CDC34: variants seen among roughly 807,000 people sequenced by gnomAD.
The protein encoded by CDC34 is ubiquitin-conjugating enzyme E2 R1.
In CDC34, 18 loss-of-function variants were observed where a neutral mutation model predicts 26.8. That is an observed-to-expected ratio of 0.67 (90% CI 0.47 to 1.00). The LOEUF is 1.00. CDC34 is among the 50% of genes least tolerant of loss of function. The pLI is 0.00. For missense variants in CDC34, 280 were observed against 334.5 expected (o/e 0.84, Z 1.27); for synonymous variants, 178 against 147.5 (o/e 1.21, Z -1.50).
rs1259177859 is a variant in CDC34, at chr19:531,842, C to A, written c.-90C>A. The stretch of plus-strand genomic sequence containing the variant: ...AGGCGGCGGCCCCGGTGGCTCCCCC[C>A]CGGACGGTGCGCGGCCCGGCCCGTC... On this transcript the variant is annotated 5_prime_UTR_variant, in exon 1 of 5. Coordinates refer to ENST00000215574, the MANE Select transcript of CDC34 (RefSeq NM_004359.2). 7.3e-6 allele frequency: 6 copies of A among 824,102 alleles called. No individual in the cohort carries two copies. Among genetic ancestry groups the A allele is most frequent in the Non-Finnish European group, 9.3e-6 (6 of 646,322 alleles). 51.0% of individuals were successfully genotyped at this position (824,102 alleles called of 1,614,324 possible). A position where few individuals can be genotyped will look rare whatever the true frequency, so the allele number is the denominator to read the frequency against.
intron 4 of CDC34, chr19:538,732 G>C (rs772655582): frequency 1.6e-5 from 16 of 985,386 alleles, no homozygotes; most frequent in Non-Finnish European, 1.9e-5. Context: ...ACCTGGTGTC[G>C]TGGGGTCATC....
chr19:531,949 G>T lies in CDC34; in HGVS notation c.18G>T (p.Val6=), dbSNP rs1249588981. The change falls in exon 1 of 5, where the codon GTG becomes GTT. Residue 6 remains valine, a synonymous_variant. Coordinates refer to ENST00000215574, the MANE Select transcript of CDC34 (RefSeq NM_004359.2). MARPL[V]PSSQKALLLE... ...CCGCCGCCATGGCTCGGCCGCTAGT[G>T]CCCAGCTCGCAGAAGGCGCTGCTGC... is the stretch of plus-strand genomic sequence containing the variant. 4.8e-6 allele frequency: 7 copies of T among 1,463,558 alleles called. No individual in the cohort carries two copies. In the South Asian group the frequency reaches 6.8e-5, roughly 14 times the overall value. 90.7% of individuals were successfully genotyped at this position (1,463,558 alleles called of 1,614,324 possible).
intron 1 of CDC34, among the ~76,000 whole-genome samples, chr19:533,162 G>A (rs1013789166): frequency 2.0e-5 from 3 of 152,142 alleles, no homozygotes; most frequent in Non-Finnish European, 4.4e-5. Context: ...CTCGTTCTTG[G>A]GGCCAGAGGG....
At chr19:535,303 C>A (rs1206531730) in intron 1 of CDC34, among the ~76,000 whole-genome samples, 1 of 152,278 alleles carries the variant, frequency 6.6e-6, no homozygotes, top group Non-Finnish European at 1.5e-5. Context: ...GACGGCCATA[C>A]TGACTCATCC....
At chr19:536,168 C>A (rs1004291825) in intron 2 of CDC34, 75 bp from the exon 3 acceptor site, 1 of 1,243,968 alleles carries the variant, frequency 8.0e-7, no homozygotes, top group Non-Finnish European at 1.1e-6. Context: ...TCCACGTCCT[C>A]ATCCTCCGGG....
chr19:538,012 T>C (rs529699447), intron 4 of CDC34, among the ~76,000 whole-genome samples: 84 of 152,218 alleles, frequency 5.5e-4, no homozygotes, highest in Non-Finnish European at 1.1e-3. Context: ...CGCATGTCTG[T>C]GCTTTAATGA....
chr19:537,955 C>T (rs753136045), intron 4 of CDC34, among the ~76,000 whole-genome samples: 1 of 152,250 alleles, frequency 6.6e-6, no homozygotes, highest in Non-Finnish European at 1.5e-5. Flanking sequence ...CTGCACCTGG[C>T]CTGGTGGTTA....
intron 3 of CDC34, chr19:536,804 C>A: frequency 1.6e-6 from 1 of 606,458 alleles, no homozygotes; most frequent in Non-Finnish European, 2.9e-6. Flanking sequence ...CACCTTGCTG[C>A]CCTCCCTGGT....
At chr19:539,533 C>T (rs1979916825) in intron 4 of CDC34, among the ~76,000 whole-genome samples, 1 of 152,232 alleles carries the variant, frequency 6.6e-6, no homozygotes, top group Non-Finnish European at 1.5e-5. Flanking sequence ...GCCCTCCACG[C>T]GTCATGCATC....
At chr19:538,475 T>C (rs1979862548) in intron 4 of CDC34, among the ~76,000 whole-genome samples, 1 of 152,168 alleles carries the variant, frequency 6.6e-6, no homozygotes, top group African/African-American at 2.4e-5. Flanking sequence ...AGGCTTTCTT[T>C]ACGGGTTGAC....
intron 4 of CDC34, among the ~76,000 whole-genome samples, chr19:538,003 G>A (rs551664238): frequency 6.6e-6 from 1 of 152,182 alleles, no homozygotes; most frequent in Non-Finnish European, 1.5e-5. Context: ...TCAGTTTAAC[G>A]CATGTCTGTG....
At chr19:541,243 G>A (rs955973352) in intron 4 of CDC34, 96 bp from the exon 5 acceptor site, 42 of 1,417,146 alleles carry the variant, frequency 3.0e-5, no homozygotes, top group Non-Finnish European at 3.8e-5. Context: ...AGAGAAACCT[G>A]AGCGTTGGGG....
Position 541,640 on chromosome 19 carries a change from G to A in CDC34, c.*88G>A. On this transcript the variant is annotated 3_prime_UTR_variant, in exon 5 of 5. Coordinates refer to ENST00000215574, the MANE Select transcript of CDC34 (RefSeq NM_004359.2). ...ACAGACTACCTCACGGAGGTTTTGT[G>A]CTGGTCCCCGTCTCCTCTGGTTGTT... is the stretch of plus-strand genomic sequence containing the variant. The A allele has an allele frequency of 1.4e-6, 2 of 1,398,894 alleles. No individual in the cohort carries two copies. The highest frequency in any genetic ancestry group is 1.9e-6 in the Non-Finnish European group (2 of 1,049,406). 86.7% of individuals were successfully genotyped at this position (1,398,894 alleles called of 1,614,324 possible). A position where few individuals can be genotyped will look rare whatever the true frequency, so the allele number is the denominator to read the frequency against.
At chr19:541,259 G>A (rs1235279351) in intron 4 of CDC34, 80 bp from the exon 5 acceptor site, 13 of 1,449,344 alleles carry the variant, frequency 9.0e-6, no homozygotes, top group Middle Eastern at 2.5e-4. Context: ...TGGGGTGAGC[G>A]TCGGACCTGG....
At chr19:538,897 CGGT>C in intron 4 of CDC34, 2 of 985,246 alleles carry the variant, frequency 2.0e-6, no homozygotes, top group Non-Finnish European at 2.4e-6. Flanking sequence ...CAGATGTCCT[CGGT>C]GGCCCCGGTC....
chr19:540,797 G>GGT, intron 4 of CDC34, among the ~76,000 whole-genome samples: 1 of 47,798 alleles, frequency 2.1e-5, no homozygotes, highest in Non-Finnish European at 5.8e-5. Context: ...GGGATGGCCA[G>GGT]GCCCCCCGGT....
intron 1 of CDC34, 131 bp downstream of exon 1, chr19:532,239 T>C: frequency 1.6e-6 from 1 of 643,712 alleles, no homozygotes; most frequent in South Asian, 2.7e-5. Flanking sequence ...TGGGCTCGTT[T>C]CCCTTCTATG....
At chr19:533,765 AGAC>A (rs1453077005) in intron 1 of CDC34, among the ~76,000 whole-genome samples, 3 of 152,218 alleles carry the variant, frequency 2.0e-5, no homozygotes, top group Non-Finnish European at 4.4e-5. Flanking sequence ...GGGGGCCTCT[AGAC>A]ATCTGCCACA....
At chr19:536,538 T>C in intron 3 of CDC34, 198 bp downstream of exon 3, 1 of 590,036 alleles carries the variant, frequency 1.7e-6, no homozygotes, top group Non-Finnish European at 3.0e-6. Flanking sequence ...TGCGGCACCG[T>C]GTGTCGGTGC....
Sources: gnomAD v4.1 joint callset for allele counts (sites outside exome capture counted in the v4.1 genomes callset) on GRCh38, gnomAD v4.1.1 for gene constraint, MANE v1.5 for transcripts, NCBI Gene and HGNC (gene_info 2026-07-23, HGNC 2026-07-21) for gene names.